The following GTF3C3 variants were observed in gnomAD, a reference collection of about 807,000 sequenced individuals.
GTF3C3 encodes the protein general transcription factor IIIC subunit 3.
In GTF3C3, 75 loss-of-function variants were observed where a neutral mutation model predicts 105.2. That is an observed-to-expected ratio of 0.71 (90% confidence interval 0.59 to 0.86). The LOEUF (loss-of-function observed/expected upper bound fraction) is 0.86. Among genes scored for constraint, GTF3C3 ranks in the 40% least tolerant of loss-of-function variants. The pLI is 0.00. For missense variants in GTF3C3, 856 were observed against 1,076.5 expected (o/e 0.80, Z 2.87); for synonymous variants, 335 against 370.4 (o/e 0.90, Z 1.10).
chr2:196,784,780 T>C (rs895486752), intron 8 of GTF3C3, 77 bp downstream of exon 8: 1 of 1,480,448 alleles, frequency 6.8e-7, no homozygotes, highest in African/African-American at 1.4e-5. Flanking sequence ...CAGTATGAAA[T>C]AAATTTTCAC....
At chr2:196,790,691 G>A (rs1426155133) in intron 4 of GTF3C3, among the ~76,000 whole-genome samples, 1 of 152,140 alleles carries the variant, frequency 6.6e-6, no homozygotes, top group Non-Finnish European at 1.5e-5. Flanking sequence ...ATCTTAAGCA[G>A]TAGCCTCAAA....
At position 196,776,432 on chromosome 2, in the gene GTF3C3, G is replaced by A; in HGVS notation, c.1588C>T (p.Gln530Ter). 1 of 1,613,140 alleles carries A rather than the reference G, an allele frequency of 6.2e-7. No individual in the cohort carries two copies. The highest frequency in any genetic ancestry group is 8.5e-7 in the Non-Finnish European group (1 of 1,179,406). ...CTCTATGTGACATGGCCCACCTGCT[G>A]TGCAGCATTTGCATCCTGTGCTAAA... ...DTLAQDANAA[Q>*]QELKLLLHRS... Residue 530 changes from glutamine (Q) to a stop codon, truncating the protein, a stop_gained, in exon 11 of 18, where the codon CAG (glutamine) becomes TAG (stop). Coordinates refer to ENST00000263956, the MANE Select transcript of GTF3C3 (RefSeq NM_012086.5). LOFTEE classifies it high-confidence loss of function. The surrounding 1 kb of genome is among the most constrained non-coding windows in gnomAD (Gnocchi z 4.5).
chr2:196,786,349 T>C lies in GTF3C3; in HGVS notation c.894-761A>G, dbSNP rs1699452277. Among the ~76,000 whole-genome samples, 2 of 152,126 alleles carry C rather than the reference T, an allele frequency of 1.3e-5. No individual in the cohort carries two copies. Among genetic ancestry groups the C allele is most frequent in the African/African-American group, 4.8e-5 (2 of 41,424 alleles). On this transcript the variant is annotated intron_variant, in intron 6 of 17. Coordinates refer to ENST00000263956, the MANE Select transcript of GTF3C3 (RefSeq NM_012086.5). The surrounding 1 kb of genome is among the most constrained non-coding windows in gnomAD (Gnocchi z 4.2). The stretch of plus-strand genomic sequence containing the variant: ...GTAATGTCCTAGACAACTATTGACA[T>C]CTCTCTCTTTTCAAACCTCCAGCAG...
chr2:196,793,057 C>T lies in GTF3C3; in HGVS notation c.310G>A (p.Glu104Lys). Residue 104 changes from glutamate to lysine, a missense_variant, in exon 3 of 18, where the codon GAG becomes AAG. Glu to Lys is a moderately conservative substitution (Grantham distance 56). Transcript: ENST00000263956. The stretch of plus-strand genomic sequence containing the variant: ...GTTTCTTCCTCCTCCTCCTCCTCCT[C>T]CTCTTCTTCCTCTTCCTCCTCATCA... Reference protein sequence around the residue: ...EDDEEEEEEEEEEEEEEETPE... With the variant: ...EDDEEEEEEEKEEEEEEETPE... 6.2e-7 allele frequency: 1 copy of T among 1,613,712 alleles called. No homozygotes were observed. Among genetic ancestry groups the T allele is most frequent in the Non-Finnish European group, 8.5e-7 (1 of 1,179,670 alleles).
At chr2:196,789,068 TAAACA>T in intron 6 of GTF3C3, 131 bp downstream of exon 6, 1 of 706,360 alleles carries the variant, frequency 1.4e-6, no homozygotes, top group Non-Finnish European at 2.3e-6. Context: ...CCTGTCTCAA[TAAACA>T]AAACAATAAA....
Position 196,791,447 on chromosome 2 carries a change from C to T in GTF3C3, c.425G>A (p.Arg142Gln), listed in dbSNP as rs1472300889. Reference protein sequence around the residue: ...TKKMMKEKRPRSKLPRALRGL... With the variant: ...TKKMMKEKRPQSKLPRALRGL... ...TCTCAGAGCTCTGGGAAGTTTACTC[C>T]GAGGCCTTTTCTCCTGTATGGAAGA... The change falls in exon 4 of 18, where the codon CGG (arginine) becomes CAG (glutamine). Residue 142 changes from arginine (R) to glutamine (Q), a missense_variant. Physicochemically the swap from Arg to Gln is conservative, Grantham distance 43. Around this residue, in one of 3 missense-constraint regions of GTF3C3, gnomAD observed 605 missense variants for 833.6 expected, o/e 0.73. Coordinates refer to ENST00000263956, the MANE Select transcript of GTF3C3 (RefSeq NM_012086.5). 4.3e-6 allele frequency: 7 copies of T among 1,613,166 alleles called. No individual in the cohort carries two copies. Among genetic ancestry groups the T allele is most frequent in the Non-Finnish European group, 5.9e-6 (7 of 1,179,498 alleles).
At chr2:196,787,807 C>T (rs922039992) in intron 6 of GTF3C3, among the ~76,000 whole-genome samples, 2 of 152,150 alleles carry the variant, frequency 1.3e-5, no homozygotes, top group Admixed American at 1.3e-4. Context: ...ATAGTGGATA[C>T]CCTGGTCTCC....
chr2:196,778,104 C>G (rs1699287840), intron 10 of GTF3C3: 1 of 152,202 alleles, frequency 6.6e-6, no homozygotes, highest in Admixed American at 6.5e-5. Flanking sequence ...CAATGCTTCT[C>G]TAATTATAGA....
chr2:196,786,203 A>G lies in GTF3C3; in HGVS notation c.894-615T>C, dbSNP rs1172607653. 6.6e-6 allele frequency among the ~76,000 whole-genome samples: 1 copy of G among 152,264 alleles called. No individual in the cohort carries two copies. The highest frequency in any genetic ancestry group is 1.9e-4 in the East Asian group (1 of 5,188). On this transcript the variant is annotated intron_variant, in intron 6 of 17. Coordinates refer to ENST00000263956, the MANE Select transcript of GTF3C3 (RefSeq NM_012086.5). This position sits in a 1 kb window ranked among gnomAD's most constrained non-coding sequence, Gnocchi z 4.2. ...GTACTTCTCAAACCTAAATAAGCCT[A>G]TGGACCAACTGGCTATCTTGTAAAA... is the stretch of plus-strand genomic sequence containing the variant.
At chr2:196,771,331 G>A (rs1699171433) in intron 15 of GTF3C3, among the ~76,000 whole-genome samples, 1 of 152,076 alleles carries the variant, frequency 6.6e-6, no homozygotes, top group Non-Finnish European at 1.5e-5. Context: ...TTAAAATCAG[G>A]TGGCAAAAGC....
At chr2:196,766,118 A>G (rs891471775) in intron 17 of GTF3C3, among the ~76,000 whole-genome samples, 2 of 152,150 alleles carry the variant, frequency 1.3e-5, no homozygotes, top group African/African-American at 4.8e-5. Flanking sequence ...AAAAATTAAC[A>G]TATTTCAGGA....
chr2:196,785,930 T>G (rs1399743477), intron 6 of GTF3C3, among the ~76,000 whole-genome samples: 2 of 152,134 alleles, frequency 1.3e-5, no homozygotes, highest in Non-Finnish European at 2.9e-5. Flanking sequence ...TGGGCTCACT[T>G]TCTTCCTTCT....
chr2:196,775,193 T>G lies in GTF3C3; in HGVS notation c.1754A>C (p.His585Pro). Reference protein sequence around the residue: ...LISSSKSGERHLYLIKVSRDK... With the variant: ...LISSSKSGERPLYLIKVSRDK... The stretch of plus-strand genomic sequence containing the variant: ...TCTCGATACTTTAATAAGATAAAGA[T>G]GCCTCTCTCCAGACTTGGAACTGGA... The change falls in exon 13 of 18, where the codon CAT becomes CCT. Residue 585 changes from histidine (H) to proline (P), a missense_variant. Physicochemically the swap from His to Pro is moderately conservative, Grantham distance 77 (BLOSUM62 -2). This residue lies in a region of GTF3C3 where 605 missense variants were observed against 833.6 expected (regional missense o/e 0.73). Transcript: ENST00000263956. The G allele has an allele frequency of 6.2e-7, 1 of 1,612,584 alleles. No individual in the cohort carries two copies. Among genetic ancestry groups the G allele is most frequent in the Non-Finnish European group, 8.5e-7 (1 of 1,178,884 alleles).
rs938681633 is a variant in GTF3C3, at chr2:196,791,334, C to T, written c.535+3G>A. 1 of 1,613,822 alleles carries T rather than the reference C, an allele frequency of 6.2e-7. No individual in the cohort carries two copies. Among genetic ancestry groups the T allele is most frequent in the Non-Finnish European group, 8.5e-7 (1 of 1,179,834 alleles). On this transcript the variant is annotated splice_donor_region_variant and intron_variant, in intron 4 of 17. Transcript: ENST00000263956. ...TTATTAACAAAGTCCCCACAGAAAA[C>T]ACCTTGTCTTATGATTTCCATGCAC...
chr2:196,775,521 A>G (rs1180854555), intron 12 of GTF3C3, among the ~76,000 whole-genome samples: 1 of 152,208 alleles, frequency 6.6e-6, no homozygotes, highest in Non-Finnish European at 1.5e-5. Context: ...TATATTAAAA[A>G]ACTAAAATTA....
Position 196,769,883 on chromosome 2 carries a change from A to G in GTF3C3, c.2385+32T>C, listed in dbSNP as rs747276086. 3.2e-6 allele frequency: 5 copies of G among 1,573,346 alleles called. No individual in the cohort carries two copies. In the East Asian group the frequency reaches 1.1e-4, roughly 35 times the overall value. ...AGTATATTCATTTTTAAGAAACATA[A>G]AATCAAGTAACGAGAAATTTGAATG... On this transcript the variant is annotated intron_variant, in intron 16 of 17. Transcript: ENST00000263956.
Position 196,799,281 on chromosome 2 carries a change from A to G in GTF3C3, c.102+229T>C, listed in dbSNP as rs1699704849. 1.4e-5 allele frequency: 7 copies of G among 490,990 alleles called. No individual in the cohort carries two copies. In the South Asian group the frequency reaches 1.7e-4, roughly 12 times the overall value. 30.4% of individuals were successfully genotyped at this position (490,990 alleles called of 1,614,324 possible). Reference sequence around the variant, plus strand: ...TGAAATAAAAACGTAGTATTGGGGGAAAAAGAAGAGGTTACCACCAAGACG... The same window carrying G: ...TGAAATAAAAACGTAGTATTGGGGGGAAAAGAAGAGGTTACCACCAAGACG... On this transcript the variant is annotated intron_variant, in intron 1 of 17. Coordinates refer to ENST00000263956, the MANE Select transcript of GTF3C3 (RefSeq NM_012086.5).
chr2:196,784,799 G>A (rs549738349), intron 8 of GTF3C3, 58 bp downstream of exon 8: 84 of 1,494,280 alleles, frequency 5.6e-5, no homozygotes, highest in East Asian at 1.8e-4. Context: ...ACCATAAAAC[G>A]CCACCTTATG....
At chr2:196,787,155 A>G (rs1042392044) in intron 6 of GTF3C3, among the ~76,000 whole-genome samples, 1 of 152,016 alleles carries the variant, frequency 6.6e-6, no homozygotes, top group African/African-American at 2.4e-5. Flanking sequence ...CCTTCAAAAT[A>G]CATACATAAT....
Sources: allele counts gnomAD v4.1 joint callset (sites outside exome capture counted in the v4.1 genomes callset), GRCh38; gene constraint gnomAD v4.1.1; regional missense constraint gnomAD v4.1.1; non-coding constraint Gnocchi (gnomAD v3.1); transcripts MANE v1.5; gene names NCBI Gene and HGNC (gene_info 2026-07-23, HGNC 2026-07-21).